The following PDE3A variants were observed in gnomAD, a reference collection of about 807,000 sequenced individuals.
PDE3A encodes the protein cGMP-inhibited 3',5'-cyclic phosphodiesterase 3A.
A neutral mutation model predicts 98.3 loss-of-function variants in PDE3A; 43 were observed. The ratio of observed to expected loss-of-function variants is 0.44; its 90% confidence interval spans 0.34 to 0.56. PDE3A has a LOEUF of 0.56. PDE3A is among the 20% of genes least tolerant of loss of function. The probability of loss-of-function intolerance (pLI) is 0.01; values close to 1 mark genes in which losing one functional copy is unlikely to be tolerated. For synonymous variants in PDE3A, 663 were observed against 567.9 expected, an observed-to-expected ratio of 1.17 and a Z score of -2.38; for missense variants, 1,427 against 1,440.7, an observed-to-expected ratio of 0.99 and a Z score of 0.15.
At chr12:20,554,358 A>AT (rs1436375305) in intron 1 of PDE3A, among the ~76,000 whole-genome samples, 1 of 6,078 alleles carries the variant, frequency 1.6e-4, no homozygotes, top group African/African-American at 1.8e-4. Flanking sequence ...TTTTTCACAG[A>AT]TAAAAAAAAA....
intron 1 of PDE3A, among the ~76,000 whole-genome samples, chr12:20,556,431 C>T (rs1028528409): frequency 1.3e-5 from 2 of 152,032 alleles, no homozygotes; most frequent in Non-Finnish European, 2.9e-5. Flanking sequence ...ACAGTAGCTT[C>T]TTTTATCACA....
chr12:20,558,409 T>G (rs954603272), intron 2 of PDE3A, among the ~76,000 whole-genome samples: 1 of 152,028 alleles, frequency 6.6e-6, no homozygotes, highest in Non-Finnish European at 1.5e-5. Flanking sequence ...TAAAATCGGC[T>G]TGCATGAATT....
intron 2 of PDE3A, among the ~76,000 whole-genome samples, chr12:20,583,797 A>G (rs1943128980): frequency 6.6e-6 from 1 of 152,182 alleles, no homozygotes; most frequent in South Asian, 2.1e-4. Flanking sequence ...GTTTTAAGTA[A>G]CTAATGTACC....
intron 1 of PDE3A, among the ~76,000 whole-genome samples, chr12:20,420,940 G>A (rs542526410): frequency 2.0e-5 from 3 of 152,234 alleles, no homozygotes; most frequent in South Asian, 2.1e-4. Flanking sequence ...ACAGGTATAC[G>A]AGTGTTGGAC....
At position 20,369,714 on chromosome 12, in the gene PDE3A, T is replaced by C. The variant is rs774400013; in HGVS notation, c.430T>C (p.Phe144Leu). Residue 144 changes from phenylalanine (F) to leucine (L), a missense_variant, in exon 1 of 16, where the codon TTC becomes CTC. Transcript: ENST00000359062. ...ALLFSLLCAF[F>L]WMGLYLLRAG... ...GCTCTTCAGTCTCCTGTGTGCCTTC[T>C]TCTGGATGGGCTTGTACCTCCTGCG... is the stretch of plus-strand genomic sequence containing the variant. The C allele has an allele frequency of 9.9e-6, 16 of 1,612,174 alleles. No homozygotes were observed. The highest frequency in any genetic ancestry group is 3.4e-6 in the Non-Finnish European group (4 of 1,179,750).
chr12:20,446,632 C>T (rs1432019473), intron 1 of PDE3A, among the ~76,000 whole-genome samples: 1 of 152,096 alleles, frequency 6.6e-6, no homozygotes, highest in Non-Finnish European at 1.5e-5. Flanking sequence ...CTACTATGTG[C>T]CAGACTCTAC....
At position 20,680,577 on chromosome 12, in the gene PDE3A, G is replaced by A. The variant is rs894547746; in HGVS notation, c.*306G>A. Reference sequence around the variant, plus strand: ...GTAAAACATATTCACACCCATGCACGCACACACATACACACTGAAGGCCAC... The same window carrying A: ...GTAAAACATATTCACACCCATGCACACACACACATACACACTGAAGGCCAC... On this transcript the variant is annotated 3_prime_UTR_variant, in exon 16 of 16. Coordinates refer to ENST00000359062, the MANE Select transcript of PDE3A (RefSeq NM_000921.5). 16 of 263,446 alleles carry A rather than the reference G, an allele frequency of 6.1e-5. No homozygotes were observed. The highest frequency in any genetic ancestry group is 1.2e-4 in the Non-Finnish European group (16 of 137,634). 16.3% of individuals were successfully genotyped at this position (263,446 alleles called of 1,614,324 possible).
intron 9 of PDE3A, among the ~76,000 whole-genome samples, chr12:20,637,439 A>G (rs1291349465): frequency 6.7e-6 from 1 of 148,450 alleles, no homozygotes; most frequent in African/African-American, 2.4e-5. Flanking sequence ...ATATTCTACA[A>G]TTAAAATATG....
intron 15 of PDE3A, among the ~76,000 whole-genome samples, chr12:20,667,530 G>A (rs1210680779): frequency 1.3e-5 from 2 of 152,122 alleles, no homozygotes; most frequent in African/African-American, 4.8e-5. Flanking sequence ...TAAAAAAGAT[G>A]TCCTTTCTTC....
chr12:20,648,209 T>C (rs1426224042), intron 12 of PDE3A, among the ~76,000 whole-genome samples: 3 of 151,648 alleles, frequency 2.0e-5, no homozygotes, highest in African/African-American at 7.3e-5. Flanking sequence ...TAAGAGGAGA[T>C]AATGCTTATG....
chr12:20,663,499 T>G (rs1158602119), intron 15 of PDE3A, among the ~76,000 whole-genome samples: 1 of 152,236 alleles, frequency 6.6e-6, no homozygotes, highest in African/African-American at 2.4e-5. Context: ...CCCAAGGCTG[T>G]GGGAGCACAC....
At chr12:20,620,476 C>A (rs555263044) in intron 4 of PDE3A, among the ~76,000 whole-genome samples, 1 of 152,134 alleles carries the variant, frequency 6.6e-6, no homozygotes. Context: ...GAGTCTATTT[C>A]AGATTCAACA....
At chr12:20,378,230 C>A (rs1943605577) in intron 1 of PDE3A, among the ~76,000 whole-genome samples, 1 of 151,586 alleles carries the variant, frequency 6.6e-6, no homozygotes, top group African/African-American at 2.4e-5. Context: ...CTCCGGTTTG[C>A]AATTTCAAAC....
intron 1 of PDE3A, among the ~76,000 whole-genome samples, chr12:20,408,437 A>T (rs1185309162): frequency 6.6e-6 from 1 of 152,180 alleles, no homozygotes; most frequent in African/African-American, 2.4e-5. Flanking sequence ...TTTAATTTAC[A>T]TGGCTGTTTG....
At chr12:20,510,472 G>A (rs1946200797) in intron 1 of PDE3A, among the ~76,000 whole-genome samples, 1 of 152,032 alleles carries the variant, frequency 6.6e-6, no homozygotes, top group Admixed American at 6.6e-5. Flanking sequence ...GAAAAAGAGA[G>A]AAATAGCGGA....
intron 2 of PDE3A, chr12:20,572,074 G>A (rs1942813666): frequency 4.2e-6 from 5 of 1,196,982 alleles, no homozygotes; most frequent in Non-Finnish European, 5.3e-6. Context: ...AAAAAAATGA[G>A]AATCAGTCTA....
At chr12:20,455,887 G>A (rs1945144133) in intron 1 of PDE3A, among the ~76,000 whole-genome samples, 2 of 152,126 alleles carry the variant, frequency 1.3e-5, no homozygotes, top group Admixed American at 1.3e-4. Context: ...CTGTTACTGT[G>A]TGATGGATCT....
Position 20,369,408 on chromosome 12 carries a change from G to A in PDE3A, c.124G>A (p.Gly42Ser). The A allele has an allele frequency of 6.4e-7, 1 of 1,553,346 alleles. No homozygotes were observed. Among genetic ancestry groups the A allele is most frequent in the African/African-American group, 1.4e-5 (1 of 73,318 alleles). The change falls in exon 1 of 16, where the codon GGC becomes AGC. Residue 42 changes from glycine (G) to serine (S), a missense_variant. This residue lies in a region of PDE3A where 1,012 missense variants were observed against 886.5 expected (regional missense o/e 1.14). Transcript: ENST00000359062. Reference sequence around the variant, plus strand: ...GGACCCCGCATCGCCGCGGGACTCGGGCTGCCGTGGCTGCTGGGGAGACCT... The same window carrying A: ...GGACCCCGCATCGCCGCGGGACTCGAGCTGCCGTGGCTGCTGGGGAGACCT... ...RADPASPRDS[G>S]CRGCWGDLVL... is the part of the protein sequence containing the mutation.
chr12:20,511,899 C>T (rs1299538602), intron 1 of PDE3A, among the ~76,000 whole-genome samples: 2 of 151,970 alleles, frequency 1.3e-5, no homozygotes, highest in East Asian at 3.9e-4. Flanking sequence ...AATTAGAATA[C>T]CAGTTTGCCT....
Sources: gnomAD v4.1 joint callset for allele counts (sites outside exome capture counted in the v4.1 genomes callset) on GRCh38, gnomAD v4.1.1 for gene constraint, gnomAD v4.1.1 regional missense constraint, MANE v1.5 for transcripts, NCBI Gene and HGNC (gene_info 2026-07-23, HGNC 2026-07-21) for gene names.